Variants in ACLY observed in about 807,000 individuals in gnomAD.
The protein encoded by ACLY is ATP citrate lyase, also known as ATP-citrate synthase.
ACLY carries 41 observed loss-of-function variants against 133.0 expected under a neutral mutation model. That is an observed-to-expected ratio of 0.31 (90% CI 0.24 to 0.40). The LOEUF is 0.40. ACLY is among the 10% of genes least tolerant of loss of function. ACLY has a pLI of 1.00. For synonymous variants in ACLY, 495 were observed against 549.3 expected, an observed-to-expected ratio of 0.90 and a Z score of 1.38; for missense variants, 1,046 against 1,453.8, an observed-to-expected ratio of 0.72 and a Z score of 4.56.
chr17:41,909,622 C>T lies in ACLY; in HGVS notation c.424G>A (p.Val142Met), dbSNP rs782606504. ...TGGGCCTTGGCGTCCACATCACCCA[C>T]GTCCACACCCCCCTCGTGGTGGAAC... ...VLFHHEGGVD[V>M]GDVDAKAQKL... Residue 142 changes from valine (V) to methionine (M), a missense_variant, in exon 5 of 29, where the codon GTG becomes ATG. Transcript: ENST00000352035. The T allele has an allele frequency of 3.1e-6, 5 of 1,614,188 alleles. No individual in the cohort carries two copies. The highest frequency in any genetic ancestry group is 1.6e-4 in the Middle Eastern group (1 of 6,062).
chr17:41,872,825 A>G (rs2048631948), intron 23 of ACLY, among the ~76,000 whole-genome samples: 1 of 152,162 alleles, frequency 6.6e-6, no homozygotes, highest in African/African-American at 2.4e-5. Flanking sequence ...TGTAGTATTC[A>G]ACCTCCCAAC....
At chr17:41,893,504 G>A (rs1021580214) in intron 14 of ACLY, among the ~76,000 whole-genome samples, 1 of 152,202 alleles carries the variant, frequency 6.6e-6, no homozygotes, top group Admixed American at 6.5e-5. Flanking sequence ...CCCAGGCAAG[G>A]TGTGTCATCA....
At chr17:41,926,031 G>A (rs1555635929) in intron 1 of ACLY, among the ~76,000 whole-genome samples, 1 of 152,092 alleles carries the variant, frequency 6.6e-6, no homozygotes, top group Middle Eastern at 3.4e-3. Context: ...TTTTGGTAGA[G>A]ATGGGGCTTC....
Position 41,896,700 on chromosome 17 carries a change from G to A in ACLY, c.1430-51C>T, listed in dbSNP as rs192577729. 27 of 1,509,486 alleles carry A rather than the reference G, an allele frequency of 1.8e-5. No individual in the cohort carries two copies. The East Asian group carries it at 5.6e-4, about 31-fold the overall frequency. 93.5% of individuals were successfully genotyped at this position (1,509,486 alleles called of 1,614,324 possible). On this transcript the variant is annotated intron_variant, in intron 13 of 28. Coordinates refer to ENST00000352035, the MANE Select transcript of ACLY (RefSeq NM_001096.3). Reference sequence around the variant, plus strand: ...CTGAGTGACCCACTGATGGCTGGAGGCTTTGGAGGGAGAGGGTGGGAACAG... The same window carrying A: ...CTGAGTGACCCACTGATGGCTGGAGACTTTGGAGGGAGAGGGTGGGAACAG...
chr17:41,884,169 A>AT (rs533487306), intron 19 of ACLY, 24 bp downstream of exon 19: 12,248 of 1,220,146 alleles, frequency 0.01, 2 homozygotes, highest in Non-Finnish European at 0.012. Context: ...TAAAATCATA[A>AT]TTTTTTTTTT....
At chr17:41,870,591 G>A (rs555275899) in intron 25 of ACLY, 2 of 152,246 alleles carry the variant, frequency 1.3e-5, no homozygotes, top group African/African-American at 2.4e-5. Context: ...ATAAGGCCCT[G>A]AGCAGCTGCC....
intron 4 of ACLY, among the ~76,000 whole-genome samples, chr17:41,909,994 T>C (rs2049851110): frequency 6.6e-6 from 1 of 152,102 alleles, no homozygotes; most frequent in African/African-American, 2.4e-5. Context: ...TCCCTGCACT[T>C]GGAAGTCCCC....
intron 22 of ACLY, among the ~76,000 whole-genome samples, chr17:41,875,270 A>G (rs1335397679): frequency 1.3e-5 from 2 of 150,648 alleles, no homozygotes; most frequent in Admixed American, 6.6e-5. Context: ...GAATCGCTTG[A>G]ATCTGGGAGG....
At chr17:41,880,613 C>G (rs2048887258) in intron 20 of ACLY, among the ~76,000 whole-genome samples, 1 of 152,080 alleles carries the variant, frequency 6.6e-6, no homozygotes, top group South Asian at 2.1e-4. Flanking sequence ...GCCTGTAATC[C>G]CAGCACTTTG....
chr17:41,884,394 G>A, intron 18 of ACLY, 120 bp from the exon 19 acceptor site: 2 of 687,090 alleles, frequency 2.9e-6, no homozygotes, highest in South Asian at 1.6e-5. Flanking sequence ...TGGATGGCCA[G>A]TAAGGGTCCA....
At chr17:41,926,810 T>C (rs1393235968) in intron 1 of ACLY, among the ~76,000 whole-genome samples, 1 of 152,126 alleles carries the variant, frequency 6.6e-6, no homozygotes, top group East Asian at 1.9e-4. Context: ...TTAAAACAGC[T>C]TTCTTAATAT....
intron 16 of ACLY, among the ~76,000 whole-genome samples, chr17:41,888,001 G>C (rs1274424509): frequency 6.6e-6 from 1 of 151,916 alleles, no homozygotes; most frequent in African/African-American, 2.4e-5. Flanking sequence ...GGTGGTGCGC[G>C]CCTATAATCC....
At chr17:41,876,265 C>T (rs1180016815) in intron 22 of ACLY, among the ~76,000 whole-genome samples, 1 of 151,048 alleles carries the variant, frequency 6.6e-6, no homozygotes, top group Non-Finnish European at 1.5e-5. Flanking sequence ...CCCGCCCGGC[C>T]AGCCGCCCCG....
At chr17:41,876,781 G>GC (rs1345214479) in intron 22 of ACLY, among the ~76,000 whole-genome samples, 1 of 152,078 alleles carries the variant, frequency 6.6e-6, no homozygotes, top group Non-Finnish European at 1.5e-5. Flanking sequence ...ACTGCGGAAG[G>GC]CCCCAGGGTC....
chr17:41,875,565 C>T (rs1738550369), intron 22 of ACLY, among the ~76,000 whole-genome samples: 1 of 152,180 alleles, frequency 6.6e-6, no homozygotes, highest in Admixed American at 6.5e-5. Context: ...CCTCAGCCTG[C>T]CGAGTGCCTG....
intron 20 of ACLY, among the ~76,000 whole-genome samples, chr17:41,880,782 C>T (rs1290973814): frequency 6.6e-6 from 1 of 151,772 alleles, no homozygotes; most frequent in East Asian, 1.9e-4. Flanking sequence ...AGCAGAATGG[C>T]GTGAACCCCG....
intron 22 of ACLY, among the ~76,000 whole-genome samples, chr17:41,875,589 G>A (rs868992789): frequency 1.3e-3 from 195 of 152,264 alleles, no homozygotes; most frequent in Non-Finnish European, 2.4e-3. Context: ...TTGCAGGCGC[G>A]CGCCGCCACG....
intron 1 of ACLY, among the ~76,000 whole-genome samples, chr17:41,925,661 T>C (rs1461794034): frequency 6.6e-6 from 1 of 151,178 alleles, no homozygotes; most frequent in Non-Finnish European, 1.5e-5. Flanking sequence ...GAGAAGGAAG[T>C]GGGGGAGGGG....
chr17:41,904,094 A>C (rs1555632117), intron 10 of ACLY, among the ~76,000 whole-genome samples: 1 of 150,694 alleles, frequency 6.6e-6, no homozygotes, highest in Non-Finnish European at 1.5e-5. Context: ...TCCAGCCTCA[A>C]CAACAAGAGT....
Sources: allele counts gnomAD v4.1 joint callset (sites outside exome capture counted in the v4.1 genomes callset), GRCh38; gene constraint gnomAD v4.1.1; transcripts MANE v1.5; gene names NCBI Gene and HGNC (gene_info 2026-07-23, HGNC 2026-07-21).